Variants in RBFOX1 observed in about 807,000 individuals in gnomAD.
RBFOX1 encodes the protein RNA binding fox-1 homolog 1.
Under a neutral mutation model 57.7 loss-of-function variants are expected in RBFOX1, and 8 were observed. The observed-to-expected ratio is 0.14, with a 90% confidence interval of 0.08 to 0.25. The LOEUF (loss-of-function observed/expected upper bound fraction) is 0.25. RBFOX1 is among the 10% of genes least tolerant of loss of function. The pLI, the probability that RBFOX1 is intolerant of heterozygous loss-of-function variation, is 1.00. For missense variants in RBFOX1, 611 were observed against 548.5 expected (o/e 1.11, Z -1.14); for synonymous variants, 326 against 222.4 (o/e 1.47, Z -4.15).
At chr16:7,306,772 G>A (rs544406567) in intron 4 of RBFOX1, among the ~76,000 whole-genome samples, 5 of 152,264 alleles carry the variant, frequency 3.3e-5, no homozygotes, top group Non-Finnish European at 5.9e-5. Flanking sequence ...GTGATAGTTC[G>A]TTTAAAAGTC....
intron 3 of RBFOX1, among the ~76,000 whole-genome samples, chr16:5,845,061 C>CTTTTTT (rs34775077): frequency 1.4e-5 from 2 of 140,166 alleles, no homozygotes. Context: ...ACCCGAGATT[C>CTTTTTT]TTTTTTTTTT....
At chr16:7,242,533 G>A (rs1463118236) in intron 4 of RBFOX1, among the ~76,000 whole-genome samples, 1 of 152,216 alleles carries the variant, frequency 6.6e-6, no homozygotes, top group Non-Finnish European at 1.5e-5. Flanking sequence ...CTAAGGAAAT[G>A]GAATGGTCTG....
intron 4 of RBFOX1, among the ~76,000 whole-genome samples, chr16:7,382,054 A>G (rs1024897054): frequency 1.3e-5 from 2 of 152,250 alleles, no homozygotes; most frequent in East Asian, 3.8e-4. Flanking sequence ...GCATTTATAA[A>G]TCAGTTGGAA....
intron 1 of RBFOX1, among the ~76,000 whole-genome samples, chr16:6,079,027 G>A (rs1460502448): frequency 6.6e-6 from 1 of 152,142 alleles, no homozygotes; most frequent in Admixed American, 6.5e-5. Context: ...ATTTTTCTCT[G>A]GCTGGGTGCA....
chr16:5,394,854 T>C (rs1352719828), intron 1 of RBFOX1, among the ~76,000 whole-genome samples: 1 of 152,016 alleles, frequency 6.6e-6, no homozygotes, highest in Non-Finnish European at 1.5e-5. Flanking sequence ...CTGGCCTGTC[T>C]TTTTTTTCCT....
chr16:7,461,172 A>G (rs1244680220), intron 4 of RBFOX1, among the ~76,000 whole-genome samples: 1 of 150,536 alleles, frequency 6.6e-6, no homozygotes, highest in Admixed American at 6.6e-5. Flanking sequence ...CAAAGGCAAA[A>G]CAATTTTTTT....
chr16:6,082,921 A>C (rs1261322862), intron 1 of RBFOX1, among the ~76,000 whole-genome samples: 4 of 152,006 alleles, frequency 2.6e-5, no homozygotes, highest in Non-Finnish European at 4.4e-5. Context: ...TGCTCTACAG[A>C]CTCACCCAAT....
chr16:5,656,347 A>C (rs2049430234), intron 3 of RBFOX1, among the ~76,000 whole-genome samples: 1 of 152,112 alleles, frequency 6.6e-6, no homozygotes, highest in African/African-American at 2.4e-5. Context: ...TTTTGTTGTT[A>C]ATATAATTAT....
At chr16:7,044,431 C>G (rs777029317) in intron 3 of RBFOX1, among the ~76,000 whole-genome samples, 1 of 152,140 alleles carries the variant, frequency 6.6e-6, no homozygotes, top group Non-Finnish European at 1.5e-5. Context: ...AGTGAGAAAG[C>G]GTCTTTGGCC....
chr16:6,384,525 T>A (rs1011143979), intron 2 of RBFOX1, among the ~76,000 whole-genome samples: 1 of 152,056 alleles, frequency 6.6e-6, no homozygotes, highest in Non-Finnish European at 1.5e-5. Flanking sequence ...TTCTGAAGAG[T>A]GTGCATTGAA....
intron 3 of RBFOX1, among the ~76,000 whole-genome samples, chr16:5,688,056 T>A (rs557343296): frequency 1.3e-5 from 2 of 152,312 alleles, no homozygotes; most frequent in African/African-American, 4.8e-5. Flanking sequence ...TCCAACCAGG[T>A]CAAGCTCCCC....
chr16:5,728,497 G>A (rs911322308), intron 3 of RBFOX1, among the ~76,000 whole-genome samples: 2 of 152,148 alleles, frequency 1.3e-5, no homozygotes, highest in East Asian at 3.9e-4. Context: ...TGAGGGCTGT[G>A]GGAGCAAATG....
intron 3 of RBFOX1, among the ~76,000 whole-genome samples, chr16:6,998,911 C>T (rs1029455995): frequency 6.6e-5 from 10 of 151,894 alleles, no homozygotes; most frequent in African/African-American, 1.9e-4. Context: ...CTCTATCACC[C>T]AGGCTGGAGT....
chr16:5,722,173 C>T (rs2051960911), intron 3 of RBFOX1, among the ~76,000 whole-genome samples: 1 of 152,138 alleles, frequency 6.6e-6, no homozygotes, highest in African/African-American at 2.4e-5. Flanking sequence ...AAATGAAAAT[C>T]AAGTTTGAAA....
At chr16:6,813,719 C>G (rs2089352638) in intron 3 of RBFOX1, among the ~76,000 whole-genome samples, 1 of 152,190 alleles carries the variant, frequency 6.6e-6, no homozygotes, top group Admixed American at 6.5e-5. Context: ...TCAAAATCTT[C>G]TCCCTCTGTC....
In RBFOX1 at chr16:6,636,239, CG is replaced by C. The variant is rs1217804509; in HGVS notation, c.-63-18362del. 3.3e-5 allele frequency among the ~76,000 whole-genome samples: 5 copies of C among 152,228 alleles called. No homozygotes were observed. The East Asian group carries it at 9.7e-4, about 29-fold the overall frequency. On this transcript the variant is annotated intron_variant, in intron 2 of 15. Transcript: ENST00000550418. The stretch of plus-strand genomic sequence containing the variant: ...AGGCTGGAGTGCAGAGGCACGATCT[CG>C]GCTCACTGCAAGCTCTGCCTCCCGG...
chr16:7,330,509 TTTGTGTGTGTGTGTGTAG>T (rs1453607613), intron 4 of RBFOX1, among the ~76,000 whole-genome samples: 27 of 65,882 alleles, frequency 4.1e-4, no homozygotes, highest in African/African-American at 1.1e-3. Context: ...TGTGTGTGTG[TTTGTGTGTGTGTGTGTAG>T]AGAGAGAGAG....
At chr16:6,415,597 A>G (rs568633087) in intron 2 of RBFOX1, among the ~76,000 whole-genome samples, 2 of 152,296 alleles carry the variant, frequency 1.3e-5, no homozygotes, top group African/African-American at 4.8e-5. Flanking sequence ...GCTACTGTGG[A>G]GGCTGAGACA....
At chr16:6,641,041 G>A (rs904972165) in intron 2 of RBFOX1, among the ~76,000 whole-genome samples, 1 of 152,148 alleles carries the variant, frequency 6.6e-6, no homozygotes. Context: ...TAAACTCACC[G>A]TTCTGCATCC....
Sources: gnomAD v4.1 joint callset for allele counts (sites outside exome capture counted in the v4.1 genomes callset) on GRCh38, gnomAD v4.1.1 for gene constraint, MANE v1.5 for transcripts, NCBI Gene and HGNC (gene_info 2026-07-23, HGNC 2026-07-21) for gene names.